ATP2C1: variants seen among roughly 807,000 people sequenced by gnomAD.
ATP2C1 encodes ATPase secretory pathway Ca2+ transporting 1.
ATP2C1 carries 31 observed loss-of-function variants against 120.5 expected under a neutral mutation model. The ratio of observed to expected loss-of-function variants is 0.26; its 90% CI spans 0.19 to 0.35. The LOEUF (loss-of-function observed/expected upper bound fraction) is 0.35. Among genes scored for constraint, ATP2C1 ranks in the 10% least tolerant of loss-of-function variants. The pLI, the probability that ATP2C1 is intolerant of heterozygous loss-of-function variation, is 1.00. For synonymous variants in ATP2C1, 351 were observed against 358.7 expected (o/e 0.98, Z 0.24); for missense variants, 731 against 1,107.5 (o/e 0.66, Z 4.83).
intron 18 of ATP2C1, among the ~76,000 whole-genome samples, chr3:130,977,486 A>G (rs1258641303): frequency 1.3e-5 from 2 of 152,186 alleles, no homozygotes; most frequent in Non-Finnish European, 2.9e-5. Flanking sequence ...TCTTAGCAGC[A>G]CATAGCAAGA....
intron 2 of ATP2C1, among the ~76,000 whole-genome samples, chr3:130,906,162 T>A (rs556989841): frequency 6.6e-6 from 1 of 152,042 alleles, no homozygotes; most frequent in South Asian, 2.1e-4. Flanking sequence ...GTCACAAAAT[T>A]GTATATTGAT....
chr3:130,987,918 A>G (rs12631745), intron 20 of ATP2C1, among the ~76,000 whole-genome samples: 2,095 of 152,318 alleles, frequency 0.014, 30 homozygotes, highest in East Asian at 0.074. Flanking sequence ...TCATCTGGGA[A>G]TTCTCAGTGT....
At chr3:130,917,589 A>G (rs1010905320) in intron 2 of ATP2C1, among the ~76,000 whole-genome samples, 6 of 152,252 alleles carry the variant, frequency 3.9e-5, no homozygotes, top group African/African-American at 1.4e-4. Context: ...CTCGACATTT[A>G]AAAACACTAG....
chr3:130,886,809 G>A (rs950308286), intron 1 of ATP2C1, among the ~76,000 whole-genome samples: 4 of 152,156 alleles, frequency 2.6e-5, no homozygotes, highest in African/African-American at 9.7e-5. Context: ...TGTCTGAAAG[G>A]TCACATATCT....
intron 1 of ATP2C1, among the ~76,000 whole-genome samples, chr3:130,884,037 G>C (rs1169016149): frequency 6.7e-6 from 1 of 150,142 alleles, no homozygotes; most frequent in East Asian, 2.0e-4. Context: ...CGCCTCTCGG[G>C]TTCAAGTAAT....
chr3:130,898,278 GA>G (rs1207737189), intron 2 of ATP2C1, among the ~76,000 whole-genome samples: 1 of 152,050 alleles, frequency 6.6e-6, no homozygotes, highest in Non-Finnish European at 1.5e-5. Flanking sequence ...TTTTTTGTTT[GA>G]AAATGGTTGT....
intron 6 of ATP2C1, among the ~76,000 whole-genome samples, chr3:130,940,184 G>T (rs1196249887): frequency 6.6e-6 from 1 of 152,210 alleles, no homozygotes; most frequent in East Asian, 1.9e-4. Flanking sequence ...TGTTCTAATG[G>T]TTTACTTTGT....
At chr3:130,938,376 A>C (rs951242329) in intron 6 of ATP2C1, among the ~76,000 whole-genome samples, 5 of 152,242 alleles carry the variant, frequency 3.3e-5, no homozygotes, top group African/African-American at 1.2e-4. Context: ...TTGTTGCATA[A>C]GCCTGAAGTT....
intron 1 of ATP2C1, among the ~76,000 whole-genome samples, chr3:130,871,206 T>C (rs917506574): frequency 3.9e-5 from 6 of 152,272 alleles, no homozygotes; most frequent in African/African-American, 1.2e-4. Context: ...TGACTTTCTG[T>C]ATTGTGATAT....
chr3:131,000,278 A>G (rs1209008936), intron 27 of ATP2C1, among the ~76,000 whole-genome samples: 8 of 152,158 alleles, frequency 5.3e-5, no homozygotes, highest in African/African-American at 1.9e-4. Flanking sequence ...GTATTTATGA[A>G]AAGGAGTTAT....
At chr3:130,867,791 A>C in intron 1 of ATP2C1, among the ~76,000 whole-genome samples, 1 of 92,218 alleles carries the variant, frequency 1.1e-5, no homozygotes, top group African/African-American at 4.1e-5. Context: ...CTGGCTGCCC[A>C]GTCTGGAAAG....
chr3:130,923,981 TTGA>T (rs1470182084), intron 2 of ATP2C1, among the ~76,000 whole-genome samples: 2 of 152,172 alleles, frequency 1.3e-5, no homozygotes, highest in African/African-American at 4.8e-5. Context: ...GGTGAGTCTC[TTGA>T]TGACAGCAGA....
intron 1 of ATP2C1, among the ~76,000 whole-genome samples, chr3:130,863,867 A>G (rs922958909): frequency 6.6e-6 from 1 of 152,172 alleles, no homozygotes; most frequent in Non-Finnish European, 1.5e-5. Flanking sequence ...TCATGTGGAA[A>G]TGTAAGTCCA....
chr3:130,915,314 G>C (rs1464629888), intron 2 of ATP2C1, among the ~76,000 whole-genome samples: 1 of 151,914 alleles, frequency 6.6e-6, no homozygotes, highest in Non-Finnish European at 1.5e-5. Context: ...GGCTGGTCTC[G>C]AACTCCTGAC....
chr3:130,942,592 A>C (rs1474349029), intron 8 of ATP2C1, among the ~76,000 whole-genome samples: 1 of 152,224 alleles, frequency 6.6e-6, no homozygotes, highest in East Asian at 1.9e-4. Context: ...TCAGACTGTA[A>C]TAAGAACAAA....
chr3:130,926,844 C>T lies in ATP2C1; in HGVS notation c.7-3572C>T, dbSNP rs149097801. 3.0e-3 allele frequency among the ~76,000 whole-genome samples: 460 copies of T among 152,364 alleles called. 2 individuals are homozygous for T. Among genetic ancestry groups the T allele is most frequent in the Non-Finnish European group, 4.9e-3 (331 of 68,036 alleles). On this transcript the variant is annotated intron_variant, in intron 2 of 27. Coordinates refer to ENST00000510168, the MANE Select transcript of ATP2C1 (RefSeq NM_001378687.1). ...CACATTAAACATCTCAACACATTTG[C>T]GCCTGGTTTTGGTTGCCCAGTAGTA...
Position 130,996,106 on chromosome 3 carries a change from G to A in ATP2C1, c.2121G>A (p.Leu707=), listed in dbSNP as rs2062610776. ...NNIKNFVRFQ[L]STSIAALTLI... ...TTAAAAATTTCGTTAGATTCCAGCT[G>A]AGCACGTAAGTTTGCAAGAAATTTG... Residue 707 remains leucine (L), a synonymous_variant, in exon 23 of 28, where the codon CTG becomes CTA. Coordinates refer to ENST00000510168, the MANE Select transcript of ATP2C1 (RefSeq NM_001378687.1). 1.9e-6 allele frequency: 3 copies of A among 1,609,778 alleles called. No homozygotes were observed. The highest frequency in any genetic ancestry group is 3.3e-4 in the Middle Eastern group (2 of 6,074).
At chr3:130,897,859 C>A (rs936899224) in intron 2 of ATP2C1, among the ~76,000 whole-genome samples, 1 of 152,160 alleles carries the variant, frequency 6.6e-6, no homozygotes, top group Non-Finnish European at 1.5e-5. Flanking sequence ...GACTACTTAA[C>A]ATTCAGTCGT....
At chr3:130,961,449 C>G (rs533888752) in intron 12 of ATP2C1, among the ~76,000 whole-genome samples, 16 of 151,842 alleles carry the variant, frequency 1.1e-4, no homozygotes, top group Non-Finnish European at 1.9e-4. Context: ...TTTAATGATC[C>G]TATTTTTCCT....
Sources: gnomAD v4.1 joint callset for allele counts (sites outside exome capture counted in the v4.1 genomes callset) on GRCh38, gnomAD v4.1.1 for gene constraint, MANE v1.5 for transcripts, NCBI Gene and HGNC (gene_info 2026-07-23, HGNC 2026-07-21) for gene names.